The following FUCA1 variants were observed in gnomAD, a reference collection of about 807,000 sequenced individuals.
FUCA1 encodes tissue alpha-L-fucosidase.
Under a neutral mutation model 56.8 loss-of-function variants are expected in FUCA1, and 52 were observed. That is an observed-to-expected ratio of 0.92 (90% CI 0.73 to 1.15). FUCA1 has a LOEUF of 1.15. Among genes scored for constraint, FUCA1 ranks in the 50% most tolerant of loss-of-function variants. The probability of loss-of-function intolerance (pLI) is 0.00; values close to 1 mark genes in which losing one functional copy is unlikely to be tolerated. For missense variants in FUCA1, 568 were observed against 592.6 expected, an observed-to-expected ratio of 0.96 and a Z score of 0.43; for synonymous variants, 230 against 226.6, an observed-to-expected ratio of 1.02 and a Z score of -0.14.
chr1:23,861,911 T>A (rs1276774928), intron 3 of FUCA1, among the ~76,000 whole-genome samples: 2 of 152,218 alleles, frequency 1.3e-5, no homozygotes, highest in African/African-American at 4.8e-5. Flanking sequence ...TTACTGTGTA[T>A]AAGAAATTGT....
intron 5 of FUCA1, among the ~76,000 whole-genome samples, chr1:23,851,903 T>C (rs1639267526): frequency 6.6e-6 from 1 of 152,006 alleles, no homozygotes; most frequent in African/African-American, 2.4e-5. Context: ...AAATACCTAA[T>C]GCATGTGGGG....
chr1:23,852,625 G>A (rs931292938), intron 5 of FUCA1, among the ~76,000 whole-genome samples: 4 of 152,060 alleles, frequency 2.6e-5, no homozygotes, highest in Non-Finnish European at 5.9e-5. Context: ...GCAGGTGCGC[G>A]CCACCACGCC....
intron 3 of FUCA1, among the ~76,000 whole-genome samples, chr1:23,862,249 A>C (rs983350457): frequency 6.6e-6 from 1 of 152,170 alleles, no homozygotes; most frequent in Non-Finnish European, 1.5e-5. Flanking sequence ...GCTCACTGCA[A>C]CTGCCTCCCT....
chr1:23,864,461 T>G (rs1639581598), intron 2 of FUCA1, among the ~76,000 whole-genome samples: 1 of 152,134 alleles, frequency 6.6e-6, no homozygotes, highest in East Asian at 1.9e-4. Context: ...AAAGCTTGCT[T>G]TGGGTTAAGA....
At position 23,846,082 on chromosome 1, in the gene FUCA1, T is replaced by C; in HGVS notation, c.1252A>G (p.Thr418Ala). 3 of 1,612,014 alleles carry C rather than the reference T, an allele frequency of 1.9e-6. No individual in the cohort carries two copies. The highest frequency in any genetic ancestry group is 1.7e-6 in the Non-Finnish European group (2 of 1,178,096). ...TGACTAAGCCTCTTTACCTTTGTAGTTGAGGTAGTTATGGGGGATTCAAGG... is the reference window on the plus strand; with the variant it reads ...TGACTAAGCCTCTTTACCTTTGTAGCTGAGGTAGTTATGGGGGATTCAAGG... Reference protein sequence around the residue: ...LNLESPITTSTTKITMLGIQG... With the variant: ...LNLESPITTSATKITMLGIQG... The change falls in exon 7 of 8, where the codon ACT becomes GCT. Residue 418 changes from threonine (T) to alanine (A), a missense_variant. Coordinates refer to ENST00000374479, the MANE Select transcript of FUCA1 (RefSeq NM_000147.5).
At position 23,854,295 on chromosome 1, in the gene FUCA1, A is replaced by G; in HGVS notation, c.969+65T>C. The G allele has an allele frequency of 2.3e-6, 3 of 1,322,780 alleles. No homozygotes were observed. The South Asian group carries it at 3.7e-5, about 16-fold the overall frequency. 81.9% of individuals were successfully genotyped at this position (1,322,780 alleles called of 1,614,324 possible). A position where few individuals can be genotyped will look rare whatever the true frequency, so the allele number is the denominator to read the frequency against. On this transcript the variant is annotated intron_variant, in intron 5 of 7. Coordinates refer to ENST00000374479, the MANE Select transcript of FUCA1 (RefSeq NM_000147.5). ...TTTTGCAAGCTTTTGAACATTATATAAAATAAATCATACTGCATGTTAAAA... is the reference window on the plus strand; with the variant it reads ...TTTTGCAAGCTTTTGAACATTATATGAAATAAATCATACTGCATGTTAAAA...
intron 5 of FUCA1, among the ~76,000 whole-genome samples, chr1:23,853,336 G>T (rs1188440054): frequency 1.3e-5 from 2 of 151,848 alleles, no homozygotes; most frequent in African/African-American, 4.8e-5. Flanking sequence ...CCCCATCCGG[G>T]AGGGAGGTGG....
Position 23,865,644 on chromosome 1 carries a change from C to T in FUCA1, c.390-19G>A. 1 of 1,614,222 alleles carries T rather than the reference C, an allele frequency of 6.2e-7. No homozygotes were observed. The highest frequency in any genetic ancestry group is 8.5e-7 in the Non-Finnish European group (1 of 1,180,046). On this transcript the variant is annotated intron_variant, in intron 1 of 7. Transcript: ENST00000374479. The stretch of plus-strand genomic sequence containing the variant: ...TACATACCTGTGGACAGCAAAACCA[C>T]ATGAGCAAAGGAAGTGGGCAGTGAA...
At chr1:23,861,348 AATGGGTGCAGCACACC>A (rs1639509658) in intron 3 of FUCA1, among the ~76,000 whole-genome samples, 1 of 145,808 alleles carries the variant, frequency 6.9e-6, no homozygotes, top group Non-Finnish European at 1.5e-5. Flanking sequence ...AAAAAAAAAG[AATGGGTGCAGCACACC>A]AGCATGGCAC....
chr1:23,867,878 C>T lies in FUCA1; in HGVS notation c.389+20G>A, dbSNP rs1199190783. Reference sequence around the variant, plus strand: ...CCGCCCGAGCCGGGAAGGGGCGCCGCTCCCCGGGACCACACTCACTTGGCG... The same window carrying T: ...CCGCCCGAGCCGGGAAGGGGCGCCGTTCCCCGGGACCACACTCACTTGGCG... On this transcript the variant is annotated intron_variant, in intron 1 of 7. Transcript: ENST00000374479. This position sits in a 1 kb window ranked among gnomAD's most constrained non-coding sequence, Gnocchi z 4.9. The T allele has an allele frequency of 6.5e-6, 10 of 1,536,280 alleles. No individual in the cohort carries two copies. In the African/African-American group the frequency reaches 1.2e-4, roughly 19 times the overall value.
At chr1:23,848,933 ACT>A in intron 5 of FUCA1, 94 bp from the exon 6 acceptor site, 1 of 1,086,270 alleles carries the variant, frequency 9.2e-7, no homozygotes, top group Non-Finnish European at 1.4e-6. Context: ...TCTAGGGCAC[ACT>A]CTGTTTTTTA....
chr1:23,848,189 A>G (rs1639179594), intron 6 of FUCA1, among the ~76,000 whole-genome samples: 1 of 152,144 alleles, frequency 6.6e-6, no homozygotes, highest in African/African-American at 2.4e-5. Flanking sequence ...AGTTCCCTTT[A>G]ATTGAACACT....
chr1:23,846,357 C>T (rs1419377107), intron 6 of FUCA1, among the ~76,000 whole-genome samples, 184 bp from the exon 7 acceptor site: 4 of 151,502 alleles, frequency 2.6e-5, no homozygotes, highest in African/African-American at 4.8e-5. Flanking sequence ...CTGTAACCTC[C>T]GCCTCCTGGG....
chr1:23,861,322 C>CAAAAAAAAAAAAA (rs34240712), intron 3 of FUCA1, among the ~76,000 whole-genome samples: 1 of 60,512 alleles, frequency 1.7e-5, no homozygotes, highest in African/African-American at 6.5e-5. Context: ...GACTCCGTCT[C>CAAAAAAAAAAAAA]AAAAAAAAAA....
intron 4 of FUCA1, among the ~76,000 whole-genome samples, chr1:23,857,872 G>A (rs560114396): frequency 2.4e-4 from 37 of 151,772 alleles, no homozygotes; most frequent in African/African-American, 6.8e-4. Flanking sequence ...GTTTCACCGT[G>A]TTAGCCAGGC....
chr1:23,855,886 G>A (rs1639379608), intron 4 of FUCA1, among the ~76,000 whole-genome samples: 1 of 152,054 alleles, frequency 6.6e-6, no homozygotes. Flanking sequence ...ACTACCATGG[G>A]GCTCACACTG....
At chr1:23,845,985 G>C in intron 7 of FUCA1, 89 bp downstream of exon 7, 1 of 1,502,702 alleles carries the variant, frequency 6.7e-7, no homozygotes, top group Non-Finnish European at 9.3e-7. Context: ...GTGTGAATAT[G>C]GGAGAAACCT....
intron 5 of FUCA1, among the ~76,000 whole-genome samples, chr1:23,851,761 A>G (rs1639263720): frequency 6.6e-6 from 1 of 152,182 alleles, no homozygotes; most frequent in Admixed American, 6.6e-5. Context: ...ACAGGAACAG[A>G]AAACCAAACA....
intron 3 of FUCA1, among the ~76,000 whole-genome samples, chr1:23,861,317 C>T (rs573677663): frequency 1.8e-4 from 20 of 108,402 alleles, no homozygotes; most frequent in Admixed American, 4.5e-4. Flanking sequence ...AGCGAGACTC[C>T]GTCTCAAAAA....
Sources: allele counts gnomAD v4.1 joint callset (sites outside exome capture counted in the v4.1 genomes callset), GRCh38; gene constraint gnomAD v4.1.1; non-coding constraint Gnocchi (gnomAD v3.1); transcripts MANE v1.5; gene names NCBI Gene and HGNC (gene_info 2026-07-23, HGNC 2026-07-21).